Variants in OSMR observed in about 807,000 individuals in gnomAD.
OSMR encodes oncostatin M receptor, also known as oncostatin-M-specific receptor subunit beta.
OSMR carries 81 observed loss-of-function variants against 99.9 expected under a neutral mutation model. That is an observed-to-expected ratio of 0.81 (90% CI 0.68 to 0.97). The LOEUF (loss-of-function observed/expected upper bound fraction) is 0.97. Among genes scored for constraint, OSMR ranks in the 50% least tolerant of loss-of-function variants. The probability of loss-of-function intolerance (pLI) is 0.00; values close to 1 mark genes in which losing one functional copy is unlikely to be tolerated. For missense variants in OSMR, 1,099 were observed against 1,153.4 expected, an observed-to-expected ratio of 0.95 and a Z score of 0.68; for synonymous variants, 406 against 410.4, an observed-to-expected ratio of 0.99 and a Z score of 0.13.
intron 17 of OSMR, 76 bp downstream of exon 17, chr5:38,932,611 C>T: frequency 6.4e-7 from 1 of 1,569,728 alleles, no homozygotes; most frequent in Admixed American, 1.7e-5. Flanking sequence ...CAGAATCCTA[C>T]TTTCCTAGAG....
At chr5:38,855,482 C>T (rs1011119680) in intron 1 of OSMR, among the ~76,000 whole-genome samples, 2 of 152,160 alleles carry the variant, frequency 1.3e-5, no homozygotes, top group Admixed American at 1.3e-4. Context: ...TCCCACACTC[C>T]TCTGCTCCTC....
At chr5:38,863,001 A>G (rs527756186) in intron 1 of OSMR, among the ~76,000 whole-genome samples, 1 of 152,012 alleles carries the variant, frequency 6.6e-6, no homozygotes, top group South Asian at 2.1e-4. Context: ...GTCTCCACCA[A>G]AAAAGTACAA....
chr5:38,859,090 A>G (rs1741081661), intron 1 of OSMR, among the ~76,000 whole-genome samples: 1 of 152,078 alleles, frequency 6.6e-6, no homozygotes, highest in Non-Finnish European at 1.5e-5. Flanking sequence ...TGCTGTGGAG[A>G]AACTTTTTAG....
chr5:38,929,691 G>C (rs543119157), intron 15 of OSMR, among the ~76,000 whole-genome samples: 2 of 152,258 alleles, frequency 1.3e-5, no homozygotes, highest in East Asian at 3.9e-4. Context: ...TTAGATGTGA[G>C]AGCCTTCATT....
intron 7 of OSMR, among the ~76,000 whole-genome samples, chr5:38,899,103 G>A (rs1186488168): frequency 3.3e-5 from 5 of 151,950 alleles, no homozygotes; most frequent in African/African-American, 1.2e-4. Context: ...GGAATTGCAG[G>A]CACCTGCCAC....
At chr5:38,850,711 A>G (rs1307712269) in intron 1 of OSMR, among the ~76,000 whole-genome samples, 1 of 152,232 alleles carries the variant, frequency 6.6e-6, no homozygotes, top group African/African-American at 2.4e-5. Flanking sequence ...TTCATTGTTC[A>G]TGTGTAATGC....
downstream of OSMR, chr5:38,939,110 G>T (rs1158980286): frequency 8.6e-6 from 2 of 232,900 alleles, no homozygotes; most frequent in African/African-American, 2.2e-5. Context: ...AGACAATTTG[G>T]TTTTTATTGC....
At chr5:38,907,861 TCTC>T (rs1417421642) in intron 9 of OSMR, among the ~76,000 whole-genome samples, 1 of 152,078 alleles carries the variant, frequency 6.6e-6, no homozygotes, top group Non-Finnish European at 1.5e-5. Context: ...CCTTGCCTCT[TCTC>T]CTCCAATGGC....
At chr5:38,940,153 A>AAAAC (rs1554057795), downstream of OSMR, 3 of 228,872 alleles carry the variant, frequency 1.3e-5, no homozygotes, top group African/African-American at 6.7e-5. Context: ...CAAAAAAAAA[A>AAAAC]ACACAAAACA....
intron 9 of OSMR, among the ~76,000 whole-genome samples, chr5:38,906,338 C>T (rs1296536615): frequency 6.6e-6 from 1 of 151,916 alleles, no homozygotes; most frequent in Non-Finnish European, 1.5e-5. Flanking sequence ...TGAAGGTGAA[C>T]CTATAGGAAT....
intron 7 of OSMR, among the ~76,000 whole-genome samples, chr5:38,896,526 T>G (rs190837242): frequency 1.8e-3 from 274 of 152,274 alleles, no homozygotes; most frequent in African/African-American, 6.3e-3. Flanking sequence ...AATTTGTTGA[T>G]CAGTTCTAAT....
intron 3 of OSMR, among the ~76,000 whole-genome samples, chr5:38,878,682 C>G (rs762828664): frequency 3.9e-5 from 6 of 152,248 alleles, no homozygotes; most frequent in Non-Finnish European, 7.4e-5. Flanking sequence ...TTGTGACTTA[C>G]TGATGTCTGC....
At chr5:38,932,601 C>A in intron 17 of OSMR, 66 bp downstream of exon 17, 1 of 1,574,304 alleles carries the variant, frequency 6.4e-7, no homozygotes, top group South Asian at 1.1e-5. Context: ...TGGGGGCTGT[C>A]AGAATCCTAC....
intron 9 of OSMR, 62 bp from the exon 10 acceptor site, chr5:38,917,484 G>C (rs755393032): frequency 2.4e-5 from 39 of 1,599,572 alleles, no homozygotes; most frequent in Non-Finnish European, 1.0e-5. Context: ...CCTAGAAAAA[G>C]GTTGAGCATA....
rs1746911771 is a variant in OSMR, at chr5:38,934,184, C to G, written c.*740C>G. On this transcript the variant is annotated 3_prime_UTR_variant, in exon 18 of 18. Transcript: ENST00000274276. Reference sequence around the variant, plus strand: ...CTGCTCCATAGACATCAGTATTCTGCCATCATTTTTGATGACTACCTCAGA... The same window carrying G: ...CTGCTCCATAGACATCAGTATTCTGGCATCATTTTTGATGACTACCTCAGA... The G allele has an allele frequency of 6.6e-6, 1 of 152,590 alleles. No individual in the cohort carries two copies. The highest frequency in any genetic ancestry group is 6.5e-5 in the Admixed American group (1 of 15,272). 9.5% of individuals were successfully genotyped at this position (152,590 alleles called of 1,614,324 possible).
In OSMR at chr5:38,933,573, TAC is replaced by T. The variant is rs921357582; in HGVS notation, c.*131_*132del. The T allele has an allele frequency of 3.0e-6, 3 of 1,014,610 alleles. No homozygotes were observed. In the African/African-American group the frequency reaches 4.8e-5, roughly 16 times the overall value. 62.9% of individuals were successfully genotyped at this position (1,014,610 alleles called of 1,614,324 possible). A position where few individuals can be genotyped will look rare whatever the true frequency, so the allele number is the denominator to read the frequency against. On this transcript the variant is annotated 3_prime_UTR_variant, in exon 18 of 18. Coordinates refer to ENST00000274276, the MANE Select transcript of OSMR (RefSeq NM_003999.3). Reference sequence around the variant, plus strand: ...GCAGGTCTGGTTTATATAAGACCACTACAGTCTGGCTAGGTTAAAGGCCAGAG... The same window carrying T: ...GCAGGTCTGGTTTATATAAGACCACTAGTCTGGCTAGGTTAAAGGCCAGAG...
chr5:38,880,514 A>G (rs1173559640), intron 3 of OSMR, among the ~76,000 whole-genome samples: 2 of 152,134 alleles, frequency 1.3e-5, no homozygotes, highest in African/African-American at 4.8e-5. Context: ...AGCTAGCCGC[A>G]GTATATAGGA....
chr5:38,929,524 C>T (rs1203836588), intron 15 of OSMR, among the ~76,000 whole-genome samples: 1 of 151,954 alleles, frequency 6.6e-6, no homozygotes, highest in Admixed American at 6.6e-5. Flanking sequence ...TTAAAATTAG[C>T]CTGAAAATAG....
At chr5:38,897,334 TG>T (rs1366889004) in intron 7 of OSMR, among the ~76,000 whole-genome samples, 2 of 152,116 alleles carry the variant, frequency 1.3e-5, no homozygotes, top group Admixed American at 6.5e-5. Context: ...TACTTGTTTT[TG>T]GTCTGTTCAG....
Sources: gnomAD v4.1 joint callset for allele counts (sites outside exome capture counted in the v4.1 genomes callset) on GRCh38, gnomAD v4.1.1 for gene constraint, MANE v1.5 for transcripts, NCBI Gene and HGNC (gene_info 2026-07-23, HGNC 2026-07-21) for gene names.